Variants in ZBTB11 observed in about 807,000 individuals in gnomAD.
ZBTB11 encodes the protein zinc finger and BTB domain containing 11.
Under a neutral mutation model 113.1 loss-of-function variants are expected in ZBTB11, and 68 were observed. The ratio of observed to expected loss-of-function variants is 0.60; its 90% confidence interval spans 0.49 to 0.74. The LOEUF is 0.74. Ranked by LOEUF, ZBTB11 falls within the 30% of genes least tolerant of loss-of-function variation. The pLI, the probability that ZBTB11 is intolerant of heterozygous loss-of-function variation, is 0.00. For synonymous variants in ZBTB11, 518 were observed against 452.6 expected, an observed-to-expected ratio of 1.14 and a Z score of -1.83; for missense variants, 1,104 against 1,279.4, an observed-to-expected ratio of 0.86 and a Z score of 2.09.
chr3:101,669,389 C>T (rs1341420622), intron 3 of ZBTB11, among the ~76,000 whole-genome samples: 1 of 152,100 alleles, frequency 6.6e-6, no homozygotes, highest in African/African-American at 2.4e-5. Flanking sequence ...CTATGATTGG[C>T]TTACATAATA....
intron 2 of ZBTB11, 37 bp from the exon 3 acceptor site, chr3:101,671,398 A>C: frequency 6.6e-7 from 1 of 1,519,870 alleles, no homozygotes; most frequent in Non-Finnish European, 9.1e-7. Flanking sequence ...GTAACATATT[A>C]CCTGTATTTT....
Position 101,651,029 on chromosome 3 carries a change from T to C in ZBTB11, c.*137A>G. On this transcript the variant is annotated 3_prime_UTR_variant, in exon 11 of 11. Transcript: ENST00000312938. ...GAACCCATTGGCCAGACAAAATGTT[T>C]GGAAACGTTACGTTACCAAACAGCC... The C allele has an allele frequency of 9.8e-7, 1 of 1,016,952 alleles. No individual in the cohort carries two copies. Among genetic ancestry groups the C allele is most frequent in the Admixed American group, 3.0e-5 (1 of 33,608 alleles). 63.0% of individuals were successfully genotyped at this position (1,016,952 alleles called of 1,614,324 possible).
In ZBTB11 at chr3:101,665,012, C is replaced by T; in HGVS notation, c.1575G>A (p.Glu525=). The T allele has an allele frequency of 6.2e-7, 1 of 1,613,310 alleles. No individual in the cohort carries two copies. Among genetic ancestry groups the T allele is most frequent in the African/African-American group, 1.3e-5 (1 of 75,014 alleles). The change falls in exon 4 of 11, where the codon GAG becomes GAA. Residue 525 remains glutamate (E), a synonymous_variant. Coordinates refer to ENST00000312938, the MANE Select transcript of ZBTB11 (RefSeq NM_014415.4). ...CGGCTTTCCGTTTCTGCAGCTTTTT[C>T]TCCATTCCCTTGTGTAGTCGAATAT... ...GAYIRLHKGM[E]KKLQKRKAVP...
At chr3:101,669,830 C>CT (rs34961780) in intron 3 of ZBTB11, among the ~76,000 whole-genome samples, 2,737 of 141,192 alleles carry the variant, frequency 0.019, 72 homozygotes, top group African/African-American at 0.061. Context: ...GCTATTAGTG[C>CT]TTTTTTTTTT....
At chr3:101,654,555 A>T (rs905718198) in intron 8 of ZBTB11, 149 bp downstream of exon 8, 1 of 611,996 alleles carries the variant, frequency 1.6e-6, no homozygotes, top group Non-Finnish European at 2.8e-6. Flanking sequence ...CGAAGATGTT[A>T]AAAATAGTAA....
At chr3:101,652,978 C>A (rs997290545) in intron 8 of ZBTB11, 40 bp from the exon 9 acceptor site, 3 of 1,552,260 alleles carry the variant, frequency 1.9e-6, no homozygotes, top group Non-Finnish European at 2.6e-6. Flanking sequence ...TAATCTTATT[C>A]CTTTAAAACA....
chr3:101,658,118 T>C (rs1184217263), intron 6 of ZBTB11, among the ~76,000 whole-genome samples: 1 of 151,988 alleles, frequency 6.6e-6, no homozygotes, highest in Admixed American at 6.6e-5. Flanking sequence ...ATAAAGAAAA[T>C]GTGGTATAAA....
chr3:101,656,172 T>G lies in ZBTB11; in HGVS notation c.2123A>C (p.Gln708Pro). Residue 708 changes from glutamine (Q) to proline (P), a missense_variant, in exon 7 of 11, where the codon CAG becomes CCG. Physicochemically the swap from Gln to Pro is moderately conservative, Grantham distance 76. Coordinates refer to ENST00000312938, the MANE Select transcript of ZBTB11 (RefSeq NM_014415.4). ...QSLHQSQKQF[Q>P]CELCVKSFVT... ...AAATGACTTAACACACAGTTCACAC[T>G]GGAACTGCTTCTGTGATTGATGAAG... The G allele has an allele frequency of 6.2e-7, 1 of 1,601,826 alleles. No homozygotes were observed. Among genetic ancestry groups the G allele is most frequent in the Non-Finnish European group, 8.5e-7 (1 of 1,174,648 alleles).
Position 101,651,548 on chromosome 3 carries a change from C to T in ZBTB11, c.2780G>A (p.Arg927Gln). 6.2e-7 allele frequency: 1 copy of T among 1,614,132 alleles called. No homozygotes were observed. Among genetic ancestry groups the T allele is most frequent in the South Asian group, 1.1e-5 (1 of 91,080 alleles). The change falls in exon 11 of 11, where the codon CGA (arginine) becomes CAA (glutamine). Residue 927 changes from arginine (R) to glutamine (Q), a missense_variant. Arg to Gln is a conservative substitution (Grantham distance 43). Around this residue, in one of 5 missense-constraint regions of ZBTB11, gnomAD observed 148 missense variants for 259.3 expected, o/e 0.57. Coordinates refer to ENST00000312938, the MANE Select transcript of ZBTB11 (RefSeq NM_014415.4). ...TTTAGTCATATGTTTACGGAGTGTT[C>T]GAGCATCTATGTAGGCTTCGCTACA... is the stretch of plus-strand genomic sequence containing the variant. The part of the protein sequence containing the change: ...PVCSEAYIDA[R>Q]TLRKHMTKFH...
chr3:101,659,044 G>A (rs1201251774), intron 6 of ZBTB11, among the ~76,000 whole-genome samples: 1 of 152,170 alleles, frequency 6.6e-6, no homozygotes, highest in Non-Finnish European at 1.5e-5. Context: ...TTTGAGGCCA[G>A]CCTGGGCAAC....
intron 6 of ZBTB11, among the ~76,000 whole-genome samples, chr3:101,658,743 TG>T (rs977697150): frequency 1.5e-4 from 23 of 152,236 alleles, no homozygotes; most frequent in South Asian, 8.3e-4. Context: ...TGGGGACTTG[TG>T]GGAAAGGGTG....
intron 6 of ZBTB11, among the ~76,000 whole-genome samples, chr3:101,656,456 C>T (rs1305425640): frequency 6.6e-6 from 1 of 152,098 alleles, no homozygotes; most frequent in Non-Finnish European, 1.5e-5. Flanking sequence ...TGTTATCTTT[C>T]TTAAATCCAT....
chr3:101,665,299 C>G lies in ZBTB11; in HGVS notation c.1288G>C (p.Glu430Gln), dbSNP rs1936972096. Residue 430 changes from glutamate to glutamine, a missense_variant, in exon 4 of 11, where the codon GAA becomes CAA. Coordinates refer to ENST00000312938, the MANE Select transcript of ZBTB11 (RefSeq NM_014415.4). ...TGTATATTAGAAACTGTGTTATTTT[C>G]TCTGTTGTTTGAAGTTTCTAGTTCT... ...QTELETSNNR[E>Q]NNTVSNIHPK... 17 of 1,614,152 alleles carry G rather than the reference C, an allele frequency of 1.1e-5. No individual in the cohort carries two copies. Among genetic ancestry groups the G allele is most frequent in the Non-Finnish European group, 1.4e-5 (17 of 1,180,020 alleles).
chr3:101,676,355 G>C (rs1298402272), intron 1 of ZBTB11: 3 of 381,106 alleles, frequency 7.9e-6, no homozygotes, highest in Admixed American at 9.3e-5. Context: ...CCCGCGGCTG[G>C]CCCGGCCTCC....
At chr3:101,663,048 T>C (rs1187789943) in intron 5 of ZBTB11, among the ~76,000 whole-genome samples, 1 of 152,028 alleles carries the variant, frequency 6.6e-6, no homozygotes, top group African/African-American at 2.4e-5. Context: ...CAAGCCATTG[T>C]CCTGCCTCAG....
chr3:101,667,276 G>A (rs1311524748), intron 3 of ZBTB11, among the ~76,000 whole-genome samples: 3 of 152,114 alleles, frequency 2.0e-5, no homozygotes, highest in South Asian at 2.1e-4. Context: ...CTGGCCTGAA[G>A]GGATACTCCT....
At chr3:101,663,241 T>A (rs1159136918) in intron 5 of ZBTB11, among the ~76,000 whole-genome samples, 4 of 151,978 alleles carry the variant, frequency 2.6e-5, no homozygotes, top group Non-Finnish European at 2.9e-5. Flanking sequence ...CCCAGCCAAT[T>A]TTTGTATTTT....
chr3:101,671,111 A>G lies in ZBTB11; in HGVS notation c.778+19T>C. On this transcript the variant is annotated intron_variant, in intron 3 of 10. Transcript: ENST00000312938. ...AATGTCATTACAAACAAAAAGCAAG[A>G]GTAATACAAAACCCTTACCAGAAAG... 1 of 1,594,148 alleles carries G rather than the reference A, an allele frequency of 6.3e-7. No homozygotes were observed. Among genetic ancestry groups the G allele is most frequent in the Non-Finnish European group, 8.6e-7 (1 of 1,163,576 alleles).
chr3:101,659,666 T>C, intron 6 of ZBTB11, 117 bp downstream of exon 6: 1 of 1,317,050 alleles, frequency 7.6e-7, no homozygotes, highest in Non-Finnish European at 1.0e-6. Flanking sequence ...AGTCATAAAT[T>C]TACCTGACAT....
Sources: gnomAD v4.1 joint callset for allele counts (sites outside exome capture counted in the v4.1 genomes callset) on GRCh38, gnomAD v4.1.1 for gene constraint, gnomAD v4.1.1 regional missense constraint, MANE v1.5 for transcripts, NCBI Gene and HGNC (gene_info 2026-07-23, HGNC 2026-07-21) for gene names.